DPY19L2: variants seen among roughly 807,000 people sequenced by gnomAD.
DPY19L2 encodes probable C-mannosyltransferase DPY19L2.
DPY19L2 carries 34 observed loss-of-function variants against 97.9 expected under a neutral mutation model. The observed-to-expected ratio is 0.35, with a 90% CI of 0.26 to 0.46. The LOEUF (loss-of-function observed/expected upper bound fraction) is 0.46. DPY19L2 is among the 20% of genes least tolerant of loss of function. The probability of loss-of-function intolerance (pLI) is 1.00; values close to 1 mark genes in which losing one functional copy is unlikely to be tolerated. For synonymous variants in DPY19L2, 230 were observed against 307.9 expected, an observed-to-expected ratio of 0.75 and a Z score of 2.65; for missense variants, 623 against 911.4, an observed-to-expected ratio of 0.68 and a Z score of 4.07.
chr12:63,658,364 G>A (rs138031923), intron 4 of DPY19L2, among the ~76,000 whole-genome samples: 2,643 of 152,074 alleles, frequency 0.017, 76 homozygotes, highest in African/African-American at 0.06. Flanking sequence ...GCGTGGTGGC[G>A]CACATCTGTA....
At chr12:63,623,952 C>T in intron 8 of DPY19L2, 88 bp downstream of exon 8, 1 of 1,019,638 alleles carries the variant, frequency 9.8e-7, no homozygotes, top group Non-Finnish European at 1.5e-6. Context: ...GATCCACCCA[C>T]CTCAGCTTCC....
chr12:63,562,166 T>C (rs183010335), intron 21 of DPY19L2, among the ~76,000 whole-genome samples: 3 of 152,260 alleles, frequency 2.0e-5, no homozygotes, highest in Admixed American at 6.5e-5. Flanking sequence ...TCCACTTGGA[T>C]ACATATTAAC....
intron 2 of DPY19L2, among the ~76,000 whole-genome samples, chr12:63,664,919 G>A (rs1162231894): frequency 6.6e-6 from 1 of 152,152 alleles, no homozygotes. Context: ...AACGTCTACA[G>A]CAGCACTGTG....
intron 6 of DPY19L2, among the ~76,000 whole-genome samples, chr12:63,627,347 G>A (rs1465716017): frequency 6.6e-6 from 1 of 151,970 alleles, no homozygotes; most frequent in Non-Finnish European, 1.5e-5. Context: ...TGTTATTGTT[G>A]TTGTTGTTTT....
At chr12:63,630,828 C>T (rs113207352) in intron 6 of DPY19L2, among the ~76,000 whole-genome samples, 15,691 of 152,102 alleles carry the variant, frequency 0.1, 1,040 homozygotes, top group East Asian at 0.28. Context: ...TAAAGCACTC[C>T]TCAGCAAATG....
chr12:63,638,180 A>C (rs886446965), intron 6 of DPY19L2, among the ~76,000 whole-genome samples: 2 of 152,176 alleles, frequency 1.3e-5, no homozygotes, highest in African/African-American at 4.8e-5. Context: ...AAAAACTCTC[A>C]ATAAACTAGG....
chr12:63,577,798 A>G (rs1372427458), intron 19 of DPY19L2, among the ~76,000 whole-genome samples: 1 of 152,036 alleles, frequency 6.6e-6, no homozygotes, highest in East Asian at 1.9e-4. Flanking sequence ...TATCCAAAAG[A>G]CAGGAAACGA....
At chr12:63,607,235 C>T (rs3884385) in intron 12 of DPY19L2, among the ~76,000 whole-genome samples, 29,200 of 151,694 alleles carry the variant, frequency 0.19, 4,296 homozygotes, top group African/African-American at 0.42. Flanking sequence ...TTTTTTGATG[C>T]TTATGGACAC....
chr12:63,606,355 T>A (rs1418861185), intron 12 of DPY19L2, among the ~76,000 whole-genome samples: 1 of 152,112 alleles, frequency 6.6e-6, no homozygotes, highest in Non-Finnish European at 1.5e-5. Context: ...AATACCTTAT[T>A]ATCGGTAAGA....
intron 11 of DPY19L2, among the ~76,000 whole-genome samples, chr12:63,613,427 A>T (rs1389720407): frequency 6.6e-6 from 1 of 152,188 alleles, no homozygotes; most frequent in African/African-American, 2.4e-5. Context: ...ATTTTTGAAA[A>T]AACTCAGCAA....
intron 11 of DPY19L2, among the ~76,000 whole-genome samples, chr12:63,611,647 A>G (rs1295360847): frequency 6.6e-6 from 1 of 152,100 alleles, no homozygotes; most frequent in African/African-American, 2.4e-5. Context: ...TAAAAGAGAA[A>G]TACACTGGAT....
intron 6 of DPY19L2, among the ~76,000 whole-genome samples, chr12:63,627,479 T>G (rs2137878428): frequency 6.6e-6 from 1 of 152,100 alleles, no homozygotes; most frequent in African/African-American, 2.4e-5. Context: ...GCCTCCCGAG[T>G]AGCTGGGATT....
chr12:63,617,161 T>C, intron 11 of DPY19L2, 143 bp downstream of exon 11: 1 of 594,114 alleles, frequency 1.7e-6, no homozygotes, highest in Non-Finnish European at 3.0e-6. Flanking sequence ...ATAAGACAGA[T>C]AAAAAGCTTT....
At chr12:63,631,795 C>T (rs1890725226) in intron 6 of DPY19L2, among the ~76,000 whole-genome samples, 1 of 152,150 alleles carries the variant, frequency 6.6e-6, no homozygotes, top group South Asian at 2.1e-4. Flanking sequence ...CCCTGAAGAA[C>T]ATTAATGCAA....
In DPY19L2 at chr12:63,560,379, T is replaced by A; in HGVS notation, c.*133A>T. 1 of 1,161,610 alleles carries A rather than the reference T, an allele frequency of 8.6e-7. No homozygotes were observed. The highest frequency in any genetic ancestry group is 1.2e-6 in the Non-Finnish European group (1 of 862,570). The allele number at this position is 1,161,610 out of a possible 1,614,324, so 72.0% of individuals were successfully genotyped here. A position where few individuals can be genotyped will look rare whatever the true frequency, so the allele number is the denominator to read the frequency against. ...ATTTACCTTTTAGTAATCAGAAAAATTTCCAATCCATTTTTATCTTATTTT... is the reference window on the plus strand; with the variant it reads ...ATTTACCTTTTAGTAATCAGAAAAAATTCCAATCCATTTTTATCTTATTTT... On this transcript the variant is annotated 3_prime_UTR_variant, in exon 22 of 22. Transcript: ENST00000324472.
chr12:63,599,991 A>G (rs539752881), intron 13 of DPY19L2, among the ~76,000 whole-genome samples: 1 of 152,330 alleles, frequency 6.6e-6, no homozygotes, highest in East Asian at 1.9e-4. Context: ...TCTGCAATAA[A>G]TGGATAACTT....
At chr12:63,582,889 G>A (rs1881186620) in intron 17 of DPY19L2, among the ~76,000 whole-genome samples, 1 of 152,094 alleles carries the variant, frequency 6.6e-6, no homozygotes, top group Middle Eastern at 3.2e-3. Context: ...GCAGGAGGTG[G>A]TGTGAGGAGG....
chr12:63,626,496 T>G lies in DPY19L2; in HGVS notation c.834A>C (p.Val278=), dbSNP rs764101372. ...SGTQLGGLIT[V]LCFFFNHGEA... is the part of the protein sequence containing the mutation. ...CTCCATGGTTGAAAAAGAAGCACAGTACTGTAATAAGACCTCCCAGTTGAG... is the reference window on the plus strand; with the variant it reads ...CTCCATGGTTGAAAAAGAAGCACAGGACTGTAATAAGACCTCCCAGTTGAG... The change falls in exon 7 of 22, where the codon GTA becomes GTC. Residue 278 remains valine, a synonymous_variant. Transcript: ENST00000324472. The G allele has an allele frequency of 8.3e-6, 13 of 1,571,196 alleles. No homozygotes were observed. The African/African-American group carries it at 1.7e-4, about 21-fold the overall frequency.
intron 6 of DPY19L2, among the ~76,000 whole-genome samples, chr12:63,636,686 G>C (rs951944453): frequency 3.0e-4 from 46 of 152,216 alleles, no homozygotes; most frequent in South Asian, 2.7e-3. Context: ...AAGAGACAAA[G>C]AAGGCCATTA....
Sources: gnomAD v4.1 joint callset for allele counts (sites outside exome capture counted in the v4.1 genomes callset) on GRCh38, gnomAD v4.1.1 for gene constraint, MANE v1.5 for transcripts, NCBI Gene and HGNC (gene_info 2026-07-23, HGNC 2026-07-21) for gene names.